The following PPM1A variants were observed in gnomAD, a reference collection of about 807,000 sequenced individuals.
PPM1A encodes protein phosphatase, Mg2+/Mn2+ dependent 1A.
PPM1A carries 7 observed loss-of-function variants against 35.0 expected under a neutral mutation model. That is an observed-to-expected ratio of 0.20 (90% confidence interval 0.11 to 0.38). The LOEUF (loss-of-function observed/expected upper bound fraction) is 0.38, where lower values mean the gene tolerates loss of function less well. Ranked by LOEUF, PPM1A falls within the 10% of genes least tolerant of loss-of-function variation. PPM1A has a pLI of 1.00. For missense variants in PPM1A, 239 were observed against 467.8 expected, an observed-to-expected ratio of 0.51 and a Z score of 4.51; for synonymous variants, 153 against 167.3, an observed-to-expected ratio of 0.91 and a Z score of 0.66.
intron 1 of PPM1A, among the ~76,000 whole-genome samples, chr14:60,270,957 G>A (rs1175544734): frequency 6.6e-6 from 1 of 152,170 alleles, no homozygotes. Flanking sequence ...AAATTATCAC[G>A]AACTTGGTGG....
At chr14:60,291,297 A>G in intron 4 of PPM1A, 100 bp from the exon 5 acceptor site, 1 of 781,962 alleles carries the variant, frequency 1.3e-6, no homozygotes, top group East Asian at 2.9e-5. Flanking sequence ...ATATCTGAGT[A>G]TAAGATTATC....
chr14:60,272,566 G>C (rs1484091560), intron 1 of PPM1A, among the ~76,000 whole-genome samples: 1 of 151,948 alleles, frequency 6.6e-6, no homozygotes, highest in African/African-American at 2.4e-5. Context: ...AAAATTAACT[G>C]GGCGTGGTGG....
At position 60,285,645 on chromosome 14, in the gene PPM1A, G is replaced by T; in HGVS notation, c.856G>T (p.Val286Leu). ...LYKGSRDNMS[V>L]ILICFPNAPK... ...CCAGGGAAGTCGAGACAACATGAGTGTGATTTTGATCTGTTTTCCAAATGC... is the reference window on the plus strand; with the variant it reads ...CCAGGGAAGTCGAGACAACATGAGTTTGATTTTGATCTGTTTTCCAAATGC... The change falls in exon 3 of 6, where the codon GTG becomes TTG. Residue 286 changes from valine (V) to leucine (L), a missense_variant. By Grantham distance (32) the Val-to-Leu change is conservative. This residue lies in a region of PPM1A where 175 missense variants were observed against 389.2 expected (regional missense o/e 0.45). Transcript: ENST00000395076. 1 of 1,613,728 alleles carries T rather than the reference G, an allele frequency of 6.2e-7. No individual in the cohort carries two copies. Among genetic ancestry groups the T allele is most frequent in the South Asian group, 1.1e-5 (1 of 90,990 alleles).
At position 60,295,393 on chromosome 14, in the gene PPM1A, T is replaced by G. The variant is rs897216088; in HGVS notation, c.*2911T>G. ...AACTTAATTCAGCTTTGGAAGTATC[T>G]CAAACATATTTTTACTTTATAGTGC... is the stretch of plus-strand genomic sequence containing the variant. On this transcript the variant is annotated 3_prime_UTR_variant, in exon 6 of 6. Transcript: ENST00000395076. The G allele has an allele frequency of 6.6e-6, 1 of 151,752 alleles. No individual in the cohort carries two copies. Among genetic ancestry groups the G allele is most frequent in the Middle Eastern group, 3.2e-3 (1 of 316 alleles). The allele number at this position is 151,752 out of a possible 1,614,324, so 9.4% of individuals were successfully genotyped here.
chr14:60,246,115 G>T (rs928575754), upstream of PPM1A: 5 of 1,407,144 alleles, frequency 3.6e-6, no homozygotes, highest in Non-Finnish European at 4.7e-6. Flanking sequence ...GTAGTGACTG[G>T]CTTCAGTGGA....
chr14:60,254,747 C>T (rs1030425854), intron 1 of PPM1A, among the ~76,000 whole-genome samples: 5 of 152,214 alleles, frequency 3.3e-5, no homozygotes, highest in Non-Finnish European at 7.3e-5. Flanking sequence ...TCTTGTACTG[C>T]ATCTCCTCCC....
In PPM1A at chr14:60,277,437, A is replaced by T. The variant is rs910701977; in HGVS notation, c.-20-5247A>T. 3.3e-5 allele frequency: 5 copies of T among 151,350 alleles called. No individual in the cohort carries two copies. In the East Asian group the frequency reaches 9.6e-4, roughly 29 times the overall value. The allele number at this position is 151,350 out of a possible 1,614,324, so 9.4% of individuals were successfully genotyped here. On this transcript the variant is annotated intron_variant, in intron 1 of 5. Coordinates refer to ENST00000395076, the MANE Select transcript of PPM1A (RefSeq NM_021003.5). ...CAAAACTATTAATTTACCCTTGACT[A>T]TATTTTTACAGTTGCTGTGGAGCTG... is the stretch of plus-strand genomic sequence containing the variant.
intron 1 of PPM1A, among the ~76,000 whole-genome samples, chr14:60,260,802 C>T (rs905273187): frequency 6.6e-6 from 1 of 152,110 alleles, no homozygotes; most frequent in Non-Finnish European, 1.5e-5. Flanking sequence ...TGATTTTTCA[C>T]TTACATGTGT....
chr14:60,251,667 C>A (rs1408206131), intron 1 of PPM1A, among the ~76,000 whole-genome samples: 1 of 152,040 alleles, frequency 6.6e-6, no homozygotes, highest in Non-Finnish European at 1.5e-5. Context: ...CAAATAAATG[C>A]CTGTTATGTG....
rs1020146054 is a variant in PPM1A at position 60,294,397 on chromosome 14, ATACT to A, written c.*1918_*1921del. 10 of 151,946 alleles carry A rather than the reference ATACT, an allele frequency of 6.6e-5. No homozygotes were observed. The highest frequency in any genetic ancestry group is 1.7e-4 in the African/African-American group (7 of 41,426). The allele number at this position is 151,946 out of a possible 1,614,324, so 9.4% of individuals were successfully genotyped here. On this transcript the variant is annotated 3_prime_UTR_variant, in exon 6 of 6. Transcript: ENST00000395076. ...AGAACCAATTCCATACTTACAATAA[ATACT>A]TAATGTCTAAATCTGTGGTAGAGTG...
Position 60,292,318 on chromosome 14 carries a change from T to C in PPM1A, c.1120-135T>C, listed in dbSNP as rs1291552977. 2.4e-5 allele frequency: 15 copies of C among 626,064 alleles called. No individual in the cohort carries two copies. Among genetic ancestry groups the C allele is most frequent in the South Asian group, 1.5e-4 (7 of 47,378 alleles). 38.8% of individuals were successfully genotyped at this position (626,064 alleles called of 1,614,324 possible). ...TTTCATATGTACACATATATACTTA[T>C]ATACTTTAAAAAACATTTATATTCT... On this transcript the variant is annotated intron_variant, in intron 5 of 5. Transcript: ENST00000395076. The surrounding 1 kb of genome is among the most constrained non-coding windows in gnomAD (Gnocchi z 4.2).
chr14:60,285,524 C>T, intron 2 of PPM1A, 100 bp from the exon 3 acceptor site: 1 of 1,262,318 alleles, frequency 7.9e-7, no homozygotes, highest in Non-Finnish European at 1.1e-6. Context: ...AACATTTTCA[C>T]TAGAACAAGT....
At chr14:60,259,960 T>G (rs2139372400) in intron 1 of PPM1A, among the ~76,000 whole-genome samples, 1 of 152,196 alleles carries the variant, frequency 6.6e-6, no homozygotes, top group East Asian at 1.9e-4. Flanking sequence ...AAGATGTTGA[T>G]ACATTACATA....
rs771546446 is a variant in PPM1A, at chr14:60,255,070, C to A, written c.-21+5393C>A. 1.7e-4 allele frequency among the ~76,000 whole-genome samples: 26 copies of A among 151,934 alleles called. No homozygotes were observed. In the Middle Eastern group the frequency reaches 0.01, roughly 60 times the overall value. Reference sequence around the variant, plus strand: ...GCAAAGCTCATTTCTAATATTTCTTCTTCCACAAAGTCATCTCTGACCCCC... The same window carrying A: ...GCAAAGCTCATTTCTAATATTTCTTATTCCACAAAGTCATCTCTGACCCCC... On this transcript the variant is annotated intron_variant, in intron 1 of 5. Transcript: ENST00000395076.
At chr14:60,255,381 C>A (rs935999222) in intron 1 of PPM1A, among the ~76,000 whole-genome samples, 1 of 151,514 alleles carries the variant, frequency 6.6e-6, no homozygotes, top group Non-Finnish European at 1.5e-5. Flanking sequence ...CCGTGTTAGC[C>A]AGGATGGTCT....
At chr14:60,272,728 C>T (rs1885309158) in intron 1 of PPM1A, among the ~76,000 whole-genome samples, 1 of 149,228 alleles carries the variant, frequency 6.7e-6, no homozygotes, top group Non-Finnish European at 1.5e-5. Flanking sequence ...CACAGAAGAC[C>T]CTAAGTGTAC....
intron 1 of PPM1A, among the ~76,000 whole-genome samples, chr14:60,268,658 A>G (rs2139429346): frequency 6.6e-6 from 1 of 151,628 alleles, no homozygotes; most frequent in East Asian, 1.9e-4. Flanking sequence ...TTTTTAACTA[A>G]GTGTGAATTT....
chr14:60,297,747 A>G lies in PPM1A; in HGVS notation c.*5265A>G, dbSNP rs963278647. 2.6e-5 allele frequency: 4 copies of G among 151,758 alleles called. No homozygotes were observed. The highest frequency in any genetic ancestry group is 9.7e-5 in the African/African-American group (4 of 41,400). The allele number at this position is 151,758 out of a possible 1,614,324, so 9.4% of individuals were successfully genotyped here. On this transcript the variant is annotated 3_prime_UTR_variant, in exon 6 of 6. Transcript: ENST00000395076. ...CCTAATTAGGTACAGTGAATGACAC[A>G]AAATCATTTTAGCAATGCTTCTTAA...
At chr14:60,270,621 A>G (rs908768390) in intron 1 of PPM1A, among the ~76,000 whole-genome samples, 15 of 152,204 alleles carry the variant, frequency 9.9e-5, no homozygotes, top group South Asian at 2.1e-4. Flanking sequence ...TTTAGTTATC[A>G]TATTTCATTA....
Sources: allele counts gnomAD v4.1 joint callset (sites outside exome capture counted in the v4.1 genomes callset), GRCh38; gene constraint gnomAD v4.1.1; regional missense constraint gnomAD v4.1.1; non-coding constraint Gnocchi (gnomAD v3.1); transcripts MANE v1.5; gene names NCBI Gene and HGNC (gene_info 2026-07-23, HGNC 2026-07-21).